Variants in CUX2 observed in about 807,000 individuals in gnomAD.
CUX2 encodes homeobox protein cut-like 2.
In CUX2, 40 loss-of-function variants were observed where a neutral mutation model predicts 144.8. That is an observed-to-expected ratio of 0.28 (90% CI 0.21 to 0.36). CUX2 has a LOEUF of 0.36. CUX2 is among the 10% of genes least tolerant of loss of function. The pLI, the probability that CUX2 is intolerant of heterozygous loss-of-function variation, is 1.00. For synonymous variants in CUX2, 827 were observed against 875.6 expected, an observed-to-expected ratio of 0.94 and a Z score of 0.98; for missense variants, 1,615 against 1,994.0, an observed-to-expected ratio of 0.81 and a Z score of 3.62.
In CUX2 at chr12:111,147,141, A is replaced by T. The variant is rs558625156; in HGVS notation, c.64-67059A>T. 9.2e-5 allele frequency among the ~76,000 whole-genome samples: 14 copies of T among 152,362 alleles called. No individual in the cohort carries two copies. In the South Asian group the frequency reaches 2.5e-3, roughly 27 times the overall value. On this transcript the variant is annotated intron_variant, in intron 1 of 21. Transcript: ENST00000261726. Reference sequence around the variant, plus strand: ...AGAGCGAGACTCTGTCTCAAAATAAATAATGAATGAGTGAATGAATGCATG... The same window carrying T: ...AGAGCGAGACTCTGTCTCAAAATAATTAATGAATGAGTGAATGAATGCATG...
chr12:111,348,241 T>C lies in CUX2; in HGVS notation c.4377T>C (p.His1459=). The change falls in exon 22 of 22, where the codon CAT becomes CAC. Residue 1459 remains histidine (H), a synonymous_variant. Transcript: ENST00000261726. ...AKVNPNLQRR[H]EKMANLNNII... ...TGAACCCCAACTTGCAGCGGCGGCA[T>C]GAGAAGATGGCCAATCTGAACAACA... 6.2e-7 allele frequency: 1 copy of C among 1,613,890 alleles called. No homozygotes were observed. Among genetic ancestry groups the C allele is most frequent in the Non-Finnish European group, 8.5e-7 (1 of 1,180,010 alleles).
Position 111,121,379 on chromosome 12 carries a change from T to C in CUX2, c.63+87139T>C, listed in dbSNP as rs868324256. Among the ~76,000 whole-genome samples the C allele has an allele frequency of 2.1e-3, 268 of 130,672 alleles. 1 individual carries two copies. The highest frequency in any genetic ancestry group is 0.019 in the Middle Eastern group (5 of 266). 85.7% of individuals were successfully genotyped at this position (130,672 alleles called of 152,430 possible). On this transcript the variant is annotated intron_variant, in intron 1 of 21. Coordinates refer to ENST00000261726, the MANE Select transcript of CUX2 (RefSeq NM_015267.4). Reference sequence around the variant, plus strand: ...TTTCTTTTCTTTTTTCTTTTTTTTTTTTTTTTTTTTTTTTTGAGACGGATT... The same window carrying C: ...TTTCTTTTCTTTTTTCTTTTTTTTTCTTTTTTTTTTTTTTTGAGACGGATT...
chr12:111,045,049 C>T (rs886863384), intron 1 of CUX2, among the ~76,000 whole-genome samples: 4 of 152,212 alleles, frequency 2.6e-5, no homozygotes, highest in African/African-American at 9.6e-5. Flanking sequence ...AGCATCCCTA[C>T]AGCCTGTGAG....
chr12:111,139,698 T>C (rs185560255), intron 1 of CUX2, among the ~76,000 whole-genome samples: 28 of 152,334 alleles, frequency 1.8e-4, no homozygotes, highest in Admixed American at 1.4e-3. Flanking sequence ...AAAGGAATAG[T>C]TGTATGCACT....
chr12:111,083,707 G>A (rs1320754749), intron 1 of CUX2, among the ~76,000 whole-genome samples: 3 of 152,110 alleles, frequency 2.0e-5, no homozygotes, highest in East Asian at 1.9e-4. Context: ...GACGCCCACC[G>A]AGCAAACTCA....
intron 1 of CUX2, among the ~76,000 whole-genome samples, chr12:111,069,186 A>G (rs1008291857): frequency 6.6e-6 from 1 of 152,182 alleles, no homozygotes; most frequent in African/African-American, 2.4e-5. Flanking sequence ...TCCTATCTGA[A>G]GAATGGGGTT....
intron 1 of CUX2, among the ~76,000 whole-genome samples, chr12:111,076,465 G>T (rs1045456277): frequency 5.9e-5 from 9 of 152,228 alleles, no homozygotes; most frequent in Non-Finnish European, 1.0e-4. Context: ...ACTTGCCAAA[G>T]CTCACACAGC....
At chr12:111,163,486 C>T (rs1036423269) in intron 1 of CUX2, among the ~76,000 whole-genome samples, 1 of 152,120 alleles carries the variant, frequency 6.6e-6, no homozygotes, top group African/African-American at 2.4e-5. Context: ...GAGGATGTAA[C>T]CCTAGGGCTG....
chr12:111,273,054 C>A (rs961663548), intron 4 of CUX2, among the ~76,000 whole-genome samples: 12 of 152,140 alleles, frequency 7.9e-5, no homozygotes, highest in African/African-American at 2.7e-4. Flanking sequence ...TGTGGGAACT[C>A]AAGCTCAAGT....
At chr12:111,055,651 G>T (rs1870484218) in intron 1 of CUX2, among the ~76,000 whole-genome samples, 1 of 152,236 alleles carries the variant, frequency 6.6e-6, no homozygotes, top group African/African-American at 2.4e-5. Flanking sequence ...CCAAGGTGGG[G>T]CACCTGAGGA....
chr12:111,035,532 A>T lies in CUX2; in HGVS notation c.63+1292A>T, dbSNP rs891807743. Reference sequence around the variant, plus strand: ...GGGGCGGGAAAATGGTGCGGATAACAGGGCGGTTAGAGCATCCTGCCTTGA... The same window carrying T: ...GGGGCGGGAAAATGGTGCGGATAACTGGGCGGTTAGAGCATCCTGCCTTGA... On this transcript the variant is annotated intron_variant, in intron 1 of 21. Transcript: ENST00000261726. The surrounding 1 kb of genome is among the most constrained non-coding windows in gnomAD (Gnocchi z 6.0). Among the ~76,000 whole-genome samples the T allele has an allele frequency of 6.6e-6, 1 of 150,822 alleles. No homozygotes were observed. Among genetic ancestry groups the T allele is most frequent in the African/African-American group, 2.4e-5 (1 of 40,848 alleles).
intron 10 of CUX2, among the ~76,000 whole-genome samples, chr12:111,306,328 T>G (rs1206439257): frequency 1.4e-5 from 1 of 72,070 alleles, no homozygotes; most frequent in Admixed American, 1.3e-4. Context: ...TTTGTTTGGT[T>G]TTTTTTTTTT....
At chr12:111,296,739 C>A (rs1210103742) in intron 8 of CUX2, among the ~76,000 whole-genome samples, 200 bp downstream of exon 8, 58 of 107,668 alleles carry the variant, frequency 5.4e-4, no homozygotes, top group East Asian at 8.8e-4. Flanking sequence ...GAGGCCTCCT[C>A]CCTCTGACCC....
At chr12:111,121,048 C>T (rs1157658280) in intron 1 of CUX2, among the ~76,000 whole-genome samples, 2 of 148,324 alleles carry the variant, frequency 1.3e-5, no homozygotes, top group African/African-American at 5.0e-5. Context: ...TGGGCTGCAT[C>T]GACGCTGGTA....
At chr12:111,242,418 G>A (rs1292221383) in intron 3 of CUX2, among the ~76,000 whole-genome samples, 1 of 152,212 alleles carries the variant, frequency 6.6e-6, no homozygotes, top group Non-Finnish European at 1.5e-5. Context: ...CCACGACAAG[G>A]GCAGAGTTGA....
intron 1 of CUX2, among the ~76,000 whole-genome samples, chr12:111,092,096 T>C (rs1872589657): frequency 2.0e-5 from 3 of 152,228 alleles, no homozygotes; most frequent in Admixed American, 2.0e-4. Flanking sequence ...TTCAAGATGA[T>C]GTGAATTTTA....
chr12:111,182,429 T>A (rs1879246213), intron 1 of CUX2, among the ~76,000 whole-genome samples: 1 of 152,234 alleles, frequency 6.6e-6, no homozygotes, highest in African/African-American at 2.4e-5. Flanking sequence ...AATCCATTCA[T>A]CATCCTGACG....
At chr12:111,303,867 C>T (rs1886442905) in intron 9 of CUX2, among the ~76,000 whole-genome samples, 1 of 152,124 alleles carries the variant, frequency 6.6e-6, no homozygotes, top group African/African-American at 2.4e-5. Flanking sequence ...ACCTGCCAGT[C>T]CCACCCAGAG....
intron 18 of CUX2, among the ~76,000 whole-genome samples, chr12:111,325,015 G>T (rs1231851548): frequency 3.3e-5 from 5 of 151,630 alleles, no homozygotes. Context: ...GCCGGGTGGG[G>T]TGCCTCATGC....
Sources: gnomAD v4.1 joint callset for allele counts (sites outside exome capture counted in the v4.1 genomes callset) on GRCh38, gnomAD v4.1.1 for gene constraint, Gnocchi (gnomAD v3.1) non-coding constraint, MANE v1.5 for transcripts, NCBI Gene and HGNC (gene_info 2026-07-23, HGNC 2026-07-21) for gene names.